Variants in CNTNAP5 observed in about 807,000 individuals in gnomAD.
The protein encoded by CNTNAP5 is contactin associated protein family member 5.
CNTNAP5 carries 72 observed loss-of-function variants against 150.2 expected under a neutral mutation model. The ratio of observed to expected loss-of-function variants is 0.48; its 90% confidence interval spans 0.40 to 0.58. The LOEUF is 0.58. Ranked by LOEUF, CNTNAP5 falls within the 20% of genes least tolerant of loss-of-function variation. The pLI is 0.00. For synonymous variants in CNTNAP5, 672 were observed against 619.8 expected (o/e 1.08, Z -1.25); for missense variants, 1,636 against 1,626.2 (o/e 1.01, Z -0.10).
intron 21 of CNTNAP5, among the ~76,000 whole-genome samples, chr2:124,876,760 C>A (rs894255629): frequency 2.6e-5 from 4 of 152,012 alleles, no homozygotes; most frequent in African/African-American, 9.7e-5. Flanking sequence ...CAAACCACAG[C>A]CTTTTTCAGA....
intron 3 of CNTNAP5, among the ~76,000 whole-genome samples, chr2:124,253,421 A>C (rs529235022): frequency 6.6e-6 from 1 of 152,242 alleles, no homozygotes; most frequent in South Asian, 2.1e-4. Context: ...TTGGTTATTC[A>C]AACTTTTTAC....
chr2:124,815,091 C>T (rs1198911967), intron 19 of CNTNAP5, among the ~76,000 whole-genome samples: 1 of 152,166 alleles, frequency 6.6e-6, no homozygotes, highest in Non-Finnish European at 1.5e-5. Flanking sequence ...CTCTGACGTT[C>T]CTGATTTCCA....
chr2:124,760,007 T>A (rs1482512844), intron 14 of CNTNAP5, among the ~76,000 whole-genome samples: 1 of 149,106 alleles, frequency 6.7e-6, no homozygotes, highest in East Asian at 2.0e-4. Flanking sequence ...GAGAAATAAT[T>A]GCTCCTTAAA....
chr2:124,828,281 A>C (rs1476868836), intron 19 of CNTNAP5, among the ~76,000 whole-genome samples: 1 of 152,120 alleles, frequency 6.6e-6, no homozygotes, highest in Non-Finnish European at 1.5e-5. Context: ...GGAGATCAAG[A>C]CCATCCTGGT....
chr2:124,495,081 G>A (rs563435821), intron 7 of CNTNAP5, among the ~76,000 whole-genome samples: 1 of 152,078 alleles, frequency 6.6e-6, no homozygotes, highest in African/African-American at 2.4e-5. Context: ...ATTCATATGT[G>A]TAAATTTGTA....
rs542714929 is a variant in CNTNAP5, at chr2:124,306,082, G to A, written c.381+63689G>A. On this transcript the variant is annotated intron_variant, in intron 3 of 23. Transcript: ENST00000682447. ...TAGCATCTTTTATTAGTCAGAGATCGTGAGATTGCATTTGACAGAACCACA... is the reference window on the plus strand; with the variant it reads ...TAGCATCTTTTATTAGTCAGAGATCATGAGATTGCATTTGACAGAACCACA... 4.6e-5 allele frequency among the ~76,000 whole-genome samples: 7 copies of A among 152,188 alleles called. No individual in the cohort carries two copies. The South Asian group carries it at 1.0e-3, about 23-fold the overall frequency.
chr2:124,259,889 A>C (rs1420601826), intron 3 of CNTNAP5, among the ~76,000 whole-genome samples: 1 of 152,226 alleles, frequency 6.6e-6, no homozygotes, highest in African/African-American at 2.4e-5. Context: ...ATGGAAGCAC[A>C]TTCCATGCTC....
chr2:124,324,080 C>A (rs999231922), intron 3 of CNTNAP5, among the ~76,000 whole-genome samples: 1 of 152,144 alleles, frequency 6.6e-6, no homozygotes, highest in Non-Finnish European at 1.5e-5. Context: ...TTTTTAAAGA[C>A]TTGACTATCT....
intron 19 of CNTNAP5, among the ~76,000 whole-genome samples, chr2:124,799,596 G>A (rs891704507): frequency 1.3e-5 from 2 of 152,208 alleles, no homozygotes; most frequent in African/African-American, 4.8e-5. Flanking sequence ...AGCCTGGAGT[G>A]TGCCCCATAC....
At chr2:124,622,032 G>A (rs72972601) in intron 12 of CNTNAP5, among the ~76,000 whole-genome samples, 31 of 151,900 alleles carry the variant, frequency 2.0e-4, no homozygotes, top group Non-Finnish European at 2.8e-4. Flanking sequence ...AACGTGTGCC[G>A]TGATGGTTTG....
At chr2:124,283,743 T>G (rs897758113) in intron 3 of CNTNAP5, among the ~76,000 whole-genome samples, 1 of 152,178 alleles carries the variant, frequency 6.6e-6, no homozygotes, top group Admixed American at 6.5e-5. Context: ...GATCTGGAAG[T>G]CTAAGATCAA....
At position 124,075,012 on chromosome 2, in the gene CNTNAP5, GA is replaced by G. The variant is rs202112155; in HGVS notation, c.82+49285del. On this transcript the variant is annotated intron_variant, in intron 1 of 23. Coordinates refer to ENST00000682447, the MANE Select transcript of CNTNAP5 (RefSeq NM_001367498.1). ...TTGCATCAAACACAATAATCAACAT[GA>G]AAAAGTGCAGTTTTCTGTGACTTTT... Among the ~76,000 whole-genome samples, 203 of 152,136 alleles carry G rather than the reference GA, an allele frequency of 1.3e-3. 3 individuals are homozygous for G. In the East Asian group the frequency reaches 0.025, roughly 19 times the overall value.
intron 1 of CNTNAP5, among the ~76,000 whole-genome samples, chr2:124,097,825 G>C (rs1368589903): frequency 6.6e-6 from 1 of 152,118 alleles, no homozygotes; most frequent in East Asian, 1.9e-4. Flanking sequence ...TCAGGAGATC[G>C]AGACCATCCT....
intron 2 of CNTNAP5, among the ~76,000 whole-genome samples, chr2:124,237,843 A>T (rs1034097550): frequency 6.6e-6 from 1 of 152,150 alleles, no homozygotes; most frequent in Admixed American, 6.5e-5. Context: ...TCTCAAAAGA[A>T]AAAACAACAA....
intron 21 of CNTNAP5, among the ~76,000 whole-genome samples, chr2:124,901,596 A>G (rs567387447): frequency 6.6e-6 from 1 of 152,296 alleles, no homozygotes; most frequent in Non-Finnish European, 1.5e-5. Flanking sequence ...CCTTGCTGAT[A>G]CTTGATTTTT....
chr2:124,224,855 T>C (rs1336911814), intron 2 of CNTNAP5, among the ~76,000 whole-genome samples: 4 of 152,178 alleles, frequency 2.6e-5, no homozygotes, highest in African/African-American at 9.6e-5. Context: ...TATAAAATAC[T>C]GATTTATTTG....
At chr2:124,796,826 G>T (rs894959171) in intron 18 of CNTNAP5, among the ~76,000 whole-genome samples, 1 of 152,138 alleles carries the variant, frequency 6.6e-6, no homozygotes, top group Non-Finnish European at 1.5e-5. Context: ...CAGTTTTTAT[G>T]GCAGAGGTTT....
intron 3 of CNTNAP5, among the ~76,000 whole-genome samples, chr2:124,369,290 G>A (rs1690458642): frequency 6.6e-6 from 1 of 152,186 alleles, no homozygotes; most frequent in African/African-American, 2.4e-5. Context: ...CTAATGGAAA[G>A]AGAACTTGGG....
intron 11 of CNTNAP5, 63 bp downstream of exon 11, chr2:124,563,386 C>A: frequency 1.1e-6 from 1 of 948,740 alleles, no homozygotes. Context: ...CCATTGTTAA[C>A]TTCAGGATGT....
Sources: gnomAD v4.1 joint callset for allele counts (sites outside exome capture counted in the v4.1 genomes callset) on GRCh38, gnomAD v4.1.1 for gene constraint, MANE v1.5 for transcripts, NCBI Gene and HGNC (gene_info 2026-07-23, HGNC 2026-07-21) for gene names.